SMAP1: variants seen among roughly 807,000 people sequenced by gnomAD.
The protein encoded by SMAP1 is stromal membrane-associated protein 1.
Under a neutral mutation model 58.5 loss-of-function variants are expected in SMAP1, and 24 were observed. The observed-to-expected ratio is 0.41, with a 90% CI of 0.30 to 0.58. SMAP1 has a LOEUF of 0.58. Ranked by LOEUF, SMAP1 falls within the 20% of genes least tolerant of loss-of-function variation. The pLI is 0.29. For synonymous variants in SMAP1, 216 were observed against 196.6 expected, an observed-to-expected ratio of 1.10 and a Z score of -0.82; for missense variants, 563 against 566.3, an observed-to-expected ratio of 0.99 and a Z score of 0.06.
chr6:70,715,958 C>A lies in SMAP1; in HGVS notation c.119-16420C>A, dbSNP rs1258147172. On this transcript the variant is annotated intron_variant, in intron 1 of 10. Coordinates refer to ENST00000370455, the MANE Select transcript of SMAP1 (RefSeq NM_001044305.3). Reference sequence around the variant, plus strand: ...GCCTTTGAATCTTTATAGCTTAGCTCCCACTTATGAGTGAGAACATAATGA... The same window carrying A: ...GCCTTTGAATCTTTATAGCTTAGCTACCACTTATGAGTGAGAACATAATGA... Among the ~76,000 whole-genome samples the A allele has an allele frequency of 2.0e-5, 3 of 152,162 alleles. No homozygotes were observed. In the East Asian group the frequency reaches 5.8e-4, roughly 29 times the overall value.
At chr6:70,673,852 TG>T (rs1766367175) in intron 1 of SMAP1, among the ~76,000 whole-genome samples, 1 of 152,224 alleles carries the variant, frequency 6.6e-6, no homozygotes, top group Non-Finnish European at 1.5e-5. Flanking sequence ...TTGGGCTGCA[TG>T]TTGTCTCCCC....
intron 4 of SMAP1, among the ~76,000 whole-genome samples, chr6:70,782,785 A>G (rs758786486): frequency 5.3e-5 from 8 of 152,198 alleles, no homozygotes; most frequent in Admixed American, 6.5e-5. Context: ...AGAGAGGCCA[A>G]CAACCTCCAC....
intron 2 of SMAP1, among the ~76,000 whole-genome samples, chr6:70,739,548 C>T (rs1765736607): frequency 6.6e-6 from 1 of 152,024 alleles, no homozygotes; most frequent in South Asian, 2.1e-4. Context: ...AAGTGAGTTT[C>T]TTTTAGACCA....
chr6:70,711,033 A>T (rs1768037595), intron 1 of SMAP1, among the ~76,000 whole-genome samples: 2 of 152,158 alleles, frequency 1.3e-5, no homozygotes, highest in South Asian at 4.1e-4. Flanking sequence ...CTATAATAAT[A>T]ATGCTGTCTT....
At chr6:70,720,316 T>C (rs761646766) in intron 1 of SMAP1, among the ~76,000 whole-genome samples, 1 of 152,180 alleles carries the variant, frequency 6.6e-6, no homozygotes, top group Non-Finnish European at 1.5e-5. Flanking sequence ...AAGAGGTGGG[T>C]TCCCATGGTC....
At chr6:70,690,851 TC>T in intron 1 of SMAP1, among the ~76,000 whole-genome samples, 1 of 151,902 alleles carries the variant, frequency 6.6e-6, no homozygotes, top group Admixed American at 6.6e-5. Context: ...ATTCTCCTCC[TC>T]CCCCTTCCCC....
chr6:70,737,792 A>G (rs546708380), intron 2 of SMAP1, among the ~76,000 whole-genome samples: 3 of 152,308 alleles, frequency 2.0e-5, no homozygotes, highest in Admixed American at 6.5e-5. Context: ...GGAATGGAGA[A>G]AAAAGAATCA....
Position 70,720,221 on chromosome 6 carries a change from T to C in SMAP1, c.119-12157T>C, listed in dbSNP as rs545282353. 3.3e-5 allele frequency among the ~76,000 whole-genome samples: 5 copies of C among 152,254 alleles called. No individual in the cohort carries two copies. The East Asian group carries it at 9.7e-4, about 29-fold the overall frequency. ...AAAGGGGTTACAGGGCCCATGCAAG[T>C]CCAAAATCCAGCAGAGCAGTCAAAT... On this transcript the variant is annotated intron_variant, in intron 1 of 10. Coordinates refer to ENST00000370455, the MANE Select transcript of SMAP1 (RefSeq NM_001044305.3).
chr6:70,675,745 A>G (rs1347480536), intron 1 of SMAP1, among the ~76,000 whole-genome samples: 2 of 152,030 alleles, frequency 1.3e-5, no homozygotes, highest in Non-Finnish European at 2.9e-5. Flanking sequence ...GATAAGGTTC[A>G]TGCTCAAAAG....
At chr6:70,720,254 C>T (rs1046118406) in intron 1 of SMAP1, among the ~76,000 whole-genome samples, 2 of 152,132 alleles carry the variant, frequency 1.3e-5, no homozygotes, top group Non-Finnish European at 2.9e-5. Flanking sequence ...AATTTTAAGC[C>T]TCCAAAATGA....
At chr6:70,681,459 G>A (rs1766707253) in intron 1 of SMAP1, among the ~76,000 whole-genome samples, 1 of 152,046 alleles carries the variant, frequency 6.6e-6, no homozygotes, top group South Asian at 2.1e-4. Flanking sequence ...CAAATATGTT[G>A]TTTACTTCTT....
chr6:70,861,513 C>G lies in SMAP1; in HGVS notation c.*1179C>G. 4 of 659,104 alleles carry G rather than the reference C, an allele frequency of 6.1e-6. No individual in the cohort carries two copies. The highest frequency in any genetic ancestry group is 7.9e-6 in the Non-Finnish European group (3 of 378,572). 40.8% of individuals were successfully genotyped at this position (659,104 alleles called of 1,614,324 possible). ...ATTAGCTTATGTTAACTGACAAGCT[C>G]CATTTAAACAGATGTCCATCAGATG... On this transcript the variant is annotated 3_prime_UTR_variant, in exon 11 of 11. Transcript: ENST00000370455.
intron 2 of SMAP1, among the ~76,000 whole-genome samples, chr6:70,738,393 A>G (rs997228737): frequency 2.0e-5 from 3 of 149,626 alleles, no homozygotes; most frequent in African/African-American, 7.4e-5. Context: ...TGTAAGACAG[A>G]TTTTTTTTTC....
chr6:70,857,088 T>G, intron 9 of SMAP1, 58 bp downstream of exon 9: 1 of 1,458,070 alleles, frequency 6.9e-7, no homozygotes, highest in East Asian at 2.3e-5. Flanking sequence ...CCTTTGTAAT[T>G]ATATAATAAG....
chr6:70,791,767 G>C lies in SMAP1; in HGVS notation c.493G>C (p.Glu165Gln), dbSNP rs779458735. 1.2e-6 allele frequency: 2 copies of C among 1,612,152 alleles called. No individual in the cohort carries two copies. Among genetic ancestry groups the C allele is most frequent in the South Asian group, 2.2e-5 (2 of 90,966 alleles). ...LQAAVDKNKL[E>Q]KEKEKKKEEK... Reference sequence around the variant, plus strand: ...AGCTGCTGTTGACAAAAATAAATTGGAGGTATGGTCATGTTTTAACCAGCT... The same window carrying C: ...AGCTGCTGTTGACAAAAATAAATTGCAGGTATGGTCATGTTTTAACCAGCT... Residue 165 changes from glutamate (E) to glutamine (Q), a missense_variant and splice_region_variant, in exon 5 of 11, where the codon GAG becomes CAG. This residue lies in a region of SMAP1 where 494 missense variants were observed against 473.8 expected (regional missense o/e 1.04). Coordinates refer to ENST00000370455, the MANE Select transcript of SMAP1 (RefSeq NM_001044305.3).
At chr6:70,742,666 A>G (rs1765864612) in intron 2 of SMAP1, among the ~76,000 whole-genome samples, 1 of 152,186 alleles carries the variant, frequency 6.6e-6, no homozygotes, top group South Asian at 2.1e-4. Flanking sequence ...TCTTTACAGC[A>G]GTGCCCCACT....
intron 7 of SMAP1, among the ~76,000 whole-genome samples, chr6:70,846,927 G>A (rs188129977): frequency 6.6e-6 from 1 of 152,190 alleles, no homozygotes; most frequent in East Asian, 1.9e-4. Flanking sequence ...GGTGAGGTAA[G>A]GATTAAACTG....
intron 1 of SMAP1, among the ~76,000 whole-genome samples, chr6:70,680,499 A>G (rs904041389): frequency 6.6e-6 from 1 of 152,202 alleles, no homozygotes; most frequent in Non-Finnish European, 1.5e-5. Flanking sequence ...GAATGTTCAT[A>G]GCAGCATTAT....
At chr6:70,808,633 T>C (rs1046158837) in intron 6 of SMAP1, among the ~76,000 whole-genome samples, 1 of 152,200 alleles carries the variant, frequency 6.6e-6, no homozygotes, top group Admixed American at 6.5e-5. Context: ...CTTTTGCCAA[T>C]ACATAGCTTT....
Sources: gnomAD v4.1 joint callset for allele counts (sites outside exome capture counted in the v4.1 genomes callset) on GRCh38, gnomAD v4.1.1 for gene constraint, gnomAD v4.1.1 regional missense constraint, MANE v1.5 for transcripts, NCBI Gene and HGNC (gene_info 2026-07-23, HGNC 2026-07-21) for gene names.